The following EXOC4 variants were observed in gnomAD, a reference collection of about 807,000 sequenced individuals.
The protein encoded by EXOC4 is SEC8-like 1.
Under a neutral mutation model 107.2 loss-of-function variants are expected in EXOC4, and 71 were observed. The observed-to-expected ratio is 0.66, with a 90% CI of 0.55 to 0.81. The LOEUF (loss-of-function observed/expected upper bound fraction) is 0.81, where lower values mean the gene tolerates loss of function less well. Ranked by LOEUF, EXOC4 falls within the 30% of genes least tolerant of loss-of-function variation. The pLI is 0.00. For synonymous variants in EXOC4, 456 were observed against 441.2 expected, an observed-to-expected ratio of 1.03 and a Z score of -0.42; for missense variants, 1,108 against 1,189.6, an observed-to-expected ratio of 0.93 and a Z score of 1.01.
intron 13 of EXOC4, among the ~76,000 whole-genome samples, chr7:133,922,463 G>A (rs1799957011): frequency 6.6e-6 from 1 of 152,002 alleles, no homozygotes; most frequent in Admixed American, 6.5e-5. Context: ...CATTATGTGA[G>A]CAAGATTCAT....
At chr7:133,432,608 A>G (rs1797880675) in intron 7 of EXOC4, among the ~76,000 whole-genome samples, 1 of 152,178 alleles carries the variant, frequency 6.6e-6, no homozygotes, top group African/African-American at 2.4e-5. Context: ...TAACTTTTAA[A>G]TGTATGTAAT....
the EXOC4 span, among the ~76,000 whole-genome samples, chr7:134,072,959 C>T: frequency 6.6e-6 from 1 of 151,378 alleles, no homozygotes; most frequent in African/African-American, 2.4e-5. Flanking sequence ...AATCCTGGCA[C>T]TTTGGGAGGC....
At chr7:133,496,888 TA>T (rs1242250275) in intron 9 of EXOC4, among the ~76,000 whole-genome samples, 1 of 152,174 alleles carries the variant, frequency 6.6e-6, no homozygotes, top group African/African-American at 2.4e-5. Context: ...CCTAATAATT[TA>T]AATTTGAGTC....
intron 10 of EXOC4, among the ~76,000 whole-genome samples, chr7:133,631,458 G>T (rs762776091): frequency 1.3e-5 from 2 of 151,838 alleles, no homozygotes; most frequent in African/African-American, 4.8e-5. Context: ...GTTCTAAATC[G>T]TAGTGGATTA....
At chr7:133,678,779 GT>G (rs924083895) in intron 10 of EXOC4, among the ~76,000 whole-genome samples, 1 of 151,560 alleles carries the variant, frequency 6.6e-6, no homozygotes, top group Admixed American at 6.6e-5. Flanking sequence ...CCTGGGTAGT[GT>G]TTTTTGTTTT....
intron 6 of EXOC4, among the ~76,000 whole-genome samples, chr7:133,371,784 T>C (rs1448406841): frequency 6.6e-6 from 1 of 152,240 alleles, no homozygotes; most frequent in Non-Finnish European, 1.5e-5. Flanking sequence ...ATGGTAACTA[T>C]GTTTAATGTC....
rs530218128 is a variant in EXOC4 at position 133,559,292 on chromosome 7, T to G, written c.1418-70753T>G. 7.2e-5 allele frequency among the ~76,000 whole-genome samples: 11 copies of G among 152,304 alleles called. 1 individual carries two copies. Among genetic ancestry groups the G allele is most frequent in the Non-Finnish European group, 1.6e-4 (11 of 68,018 alleles). On this transcript the variant is annotated intron_variant, in intron 9 of 17. Transcript: ENST00000253861. The stretch of plus-strand genomic sequence containing the variant: ...TGTGTCGTGAATTCTTTTTTCTTTA[T>G]AGCTTCTTGGTTTTTAAATTTTCTT...
At chr7:133,982,500 C>T (rs956242259) in intron 14 of EXOC4, among the ~76,000 whole-genome samples, 1 of 151,994 alleles carries the variant, frequency 6.6e-6, no homozygotes, top group African/African-American at 2.4e-5. Context: ...TGCAGTGAGC[C>T]GAGATCATGC....
chr7:133,956,243 A>G (rs1800816871), intron 14 of EXOC4, among the ~76,000 whole-genome samples: 1 of 152,022 alleles, frequency 6.6e-6, no homozygotes, highest in Admixed American at 6.5e-5. Flanking sequence ...ATAATATGAC[A>G]TAATTAGGAG....
At chr7:133,842,546 G>C (rs1039262084) in intron 11 of EXOC4, among the ~76,000 whole-genome samples, 5 of 152,206 alleles carry the variant, frequency 3.3e-5, no homozygotes, top group African/African-American at 1.2e-4. Flanking sequence ...CTAGATATTA[G>C]ACCTTTGTTG....
intron 9 of EXOC4, among the ~76,000 whole-genome samples, chr7:133,543,986 A>T (rs1446282428): frequency 6.6e-6 from 1 of 152,176 alleles, no homozygotes; most frequent in Non-Finnish European, 1.5e-5. Flanking sequence ...ATTACTTAGA[A>T]AATTTTGAAT....
At chr7:133,290,296 A>T (rs1794374242) in intron 3 of EXOC4, among the ~76,000 whole-genome samples, 1 of 152,188 alleles carries the variant, frequency 6.6e-6, no homozygotes, top group African/African-American at 2.4e-5. Context: ...ACTCTGTCTC[A>T]AAAAGAACCC....
intron 10 of EXOC4, among the ~76,000 whole-genome samples, chr7:133,809,131 T>A (rs959476460): frequency 6.6e-6 from 1 of 152,238 alleles, no homozygotes; most frequent in Admixed American, 6.5e-5. Context: ...TTTTTACTGT[T>A]GTTTGCATTC....
At chr7:133,779,234 T>C (rs1235788474) in intron 10 of EXOC4, among the ~76,000 whole-genome samples, 1 of 152,226 alleles carries the variant, frequency 6.6e-6, no homozygotes, top group Non-Finnish European at 1.5e-5. Context: ...TTATATCTAC[T>C]TGCCATTTTC....
At chr7:133,833,733 T>A (rs1243189862) in intron 11 of EXOC4, among the ~76,000 whole-genome samples, 1 of 152,168 alleles carries the variant, frequency 6.6e-6, no homozygotes, top group Non-Finnish European at 1.5e-5. Context: ...CACCTAATTT[T>A]TTTGTATTTT....
rs762143604 is a variant in EXOC4, at chr7:133,375,045, C to T, written c.1182+43C>T. ...AGGGTGTCATCTTGATTCAGAGTAA[C>T]AGTTTAGAATAACAACAACAACAGC... On this transcript the variant is annotated intron_variant, in intron 7 of 17. Coordinates refer to ENST00000253861, the MANE Select transcript of EXOC4 (RefSeq NM_021807.4). The T allele has an allele frequency of 3.9e-6, 6 of 1,541,546 alleles. No individual in the cohort carries two copies. In the South Asian group the frequency reaches 5.7e-5, roughly 15 times the overall value.
intron 9 of EXOC4, among the ~76,000 whole-genome samples, chr7:133,564,589 G>A (rs1008594302): frequency 6.6e-6 from 1 of 151,994 alleles, no homozygotes; most frequent in Non-Finnish European, 1.5e-5. Context: ...TATGAAATAC[G>A]TTTACCAAAC....
intron 9 of EXOC4, among the ~76,000 whole-genome samples, chr7:133,612,714 G>T (rs1204400957): frequency 6.6e-6 from 1 of 152,200 alleles, no homozygotes; most frequent in Non-Finnish European, 1.5e-5. Flanking sequence ...TGGTGGCTTG[G>T]AAGGTAGTAG....
chr7:133,582,127 C>T (rs1377154113), intron 9 of EXOC4, among the ~76,000 whole-genome samples: 1 of 152,178 alleles, frequency 6.6e-6, no homozygotes, highest in African/African-American at 2.4e-5. Context: ...ACCTTCCTCC[C>T]TCCCTCTACC....
Sources: gnomAD v4.1 joint callset for allele counts (sites outside exome capture counted in the v4.1 genomes callset) on GRCh38, gnomAD v4.1.1 for gene constraint, MANE v1.5 for transcripts, NCBI Gene and HGNC (gene_info 2026-07-23, HGNC 2026-07-21) for gene names.